Variants in NEGR1 observed in about 807,000 individuals in gnomAD.
NEGR1 encodes the protein neuronal growth regulator 1, also known as IgLON family member 4.
In NEGR1, 10 loss-of-function variants were observed where a neutral mutation model predicts 40.9. The observed-to-expected ratio is 0.24, with a 90% CI of 0.15 to 0.42. The LOEUF (loss-of-function observed/expected upper bound fraction) is 0.42. NEGR1 is among the 10% of genes least tolerant of loss of function. The probability of loss-of-function intolerance (pLI) is 1.00; values close to 1 mark genes in which losing one functional copy is unlikely to be tolerated. For synonymous variants in NEGR1, 185 were observed against 166.8 expected (o/e 1.11, Z -0.84); for missense variants, 352 against 438.9 (o/e 0.80, Z 1.77).
intron 1 of NEGR1, among the ~76,000 whole-genome samples, chr1:72,012,780 G>T (rs1646668645): frequency 6.8e-6 from 1 of 147,072 alleles, no homozygotes; most frequent in Non-Finnish European, 1.5e-5. Context: ...TTGATATTTT[G>T]TTAACATTAG....
rs1053163129 is a variant in NEGR1 at position 72,164,207 on chromosome 1, C to A, written c.176+118112G>T. Among the ~76,000 whole-genome samples the A allele has an allele frequency of 1.8e-4, 27 of 152,066 alleles. No individual in the cohort carries two copies. The East Asian group carries it at 4.8e-3, about 27-fold the overall frequency. On this transcript the variant is annotated intron_variant, in intron 1 of 6. Transcript: ENST00000357731. ...CCTTGTTGTGAACAACTGCTCTGAA[C>A]CTTTAACGACCGTTGAAAAGGCCCT... is the stretch of plus-strand genomic sequence containing the variant.
At chr1:71,802,551 G>A (rs999021987) in intron 2 of NEGR1, among the ~76,000 whole-genome samples, 1 of 152,160 alleles carries the variant, frequency 6.6e-6, no homozygotes, top group Non-Finnish European at 1.5e-5. Context: ...CCACCTCCTA[G>A]ATTTCAGTAG....
chr1:72,238,824 A>C (rs921568065), intron 1 of NEGR1, among the ~76,000 whole-genome samples: 1 of 151,950 alleles, frequency 6.6e-6, no homozygotes, highest in Non-Finnish European at 1.5e-5. Context: ...AATGCAAAGA[A>C]GGCATAGAAG....
chr1:71,576,810 CTT>C (rs1648979510), intron 6 of NEGR1, among the ~76,000 whole-genome samples: 1 of 152,158 alleles, frequency 6.6e-6, no homozygotes, highest in South Asian at 2.1e-4. Context: ...TTCCTTCCCT[CTT>C]TTCTTCTTCC....
chr1:72,262,071 G>C (rs961480564), intron 1 of NEGR1, among the ~76,000 whole-genome samples: 1 of 151,976 alleles, frequency 6.6e-6, no homozygotes, highest in Admixed American at 6.6e-5. Flanking sequence ...AGCATATCAC[G>C]TGGGGGAAAA....
intron 1 of NEGR1, among the ~76,000 whole-genome samples, chr1:72,233,500 G>A (rs1330992235): frequency 6.6e-6 from 1 of 151,952 alleles, no homozygotes; most frequent in Non-Finnish European, 1.5e-5. Flanking sequence ...TTTATGCTAT[G>A]TGTACCCAAC....
chr1:72,013,672 T>C (rs1055650283), intron 1 of NEGR1, among the ~76,000 whole-genome samples: 1 of 152,020 alleles, frequency 6.6e-6, no homozygotes, highest in Non-Finnish European at 1.5e-5. Context: ...ATTAATTGAA[T>C]ATTATGCTCT....
intron 1 of NEGR1, among the ~76,000 whole-genome samples, chr1:71,992,336 A>G (rs1440801723): frequency 1.3e-5 from 2 of 152,206 alleles, no homozygotes; most frequent in African/African-American, 2.4e-5. Flanking sequence ...CAAATATTGC[A>G]GCACTAAAAA....
intron 2 of NEGR1, among the ~76,000 whole-genome samples, chr1:71,842,014 C>A (rs1292066516): frequency 6.6e-6 from 1 of 152,164 alleles, no homozygotes; most frequent in Non-Finnish European, 1.5e-5. Context: ...GCAGTAGAGG[C>A]AGCATTTAAT....
chr1:71,845,734 T>TCTATCTAC (rs1553169265), intron 2 of NEGR1, among the ~76,000 whole-genome samples: 1,037 of 77,674 alleles, frequency 0.013, 13 homozygotes, highest in African/African-American at 0.039. Flanking sequence ...TATCTATCTA[T>TCTATCTAC]CTACCTACCT....
chr1:71,448,250 CAGAG>C (rs1248229556), intron 6 of NEGR1, among the ~76,000 whole-genome samples: 3 of 147,550 alleles, frequency 2.0e-5, no homozygotes, highest in Admixed American at 6.7e-5. Flanking sequence ...AAAAAAGACA[CAGAG>C]AGAGAGAGCA....
chr1:72,179,527 G>A (rs1001739269), intron 1 of NEGR1, among the ~76,000 whole-genome samples: 68 of 152,188 alleles, frequency 4.5e-4, no homozygotes, highest in Middle Eastern at 6.8e-3. Flanking sequence ...CACTGTATGT[G>A]TCCAGTAAGT....
At chr1:72,264,062 G>A (rs750668682) in intron 1 of NEGR1, among the ~76,000 whole-genome samples, 1 of 150,958 alleles carries the variant, frequency 6.6e-6, no homozygotes, top group Non-Finnish European at 1.5e-5. Flanking sequence ...CAATATGGAG[G>A]CTAAAATAAA....
At chr1:71,646,018 TA>T (rs1651518764) in intron 4 of NEGR1, among the ~76,000 whole-genome samples, 1 of 151,764 alleles carries the variant, frequency 6.6e-6, no homozygotes, top group Non-Finnish European at 1.5e-5. Flanking sequence ...GTGGAAATAC[TA>T]GTGACATTTT....
At chr1:72,277,296 G>A (rs997518207) in intron 1 of NEGR1, among the ~76,000 whole-genome samples, 1 of 152,044 alleles carries the variant, frequency 6.6e-6, no homozygotes. Context: ...ATCAGGCCTA[G>A]AACTGACACA....
intron 3 of NEGR1, among the ~76,000 whole-genome samples, chr1:71,762,529 C>T (rs1655981713): frequency 6.6e-6 from 1 of 151,966 alleles, no homozygotes; most frequent in Admixed American, 6.6e-5. Context: ...TAAACAAAAA[C>T]TGAAAGCAAT....
intron 6 of NEGR1, among the ~76,000 whole-genome samples, chr1:71,416,513 T>C (rs1646357105): frequency 6.6e-6 from 1 of 152,198 alleles, no homozygotes; most frequent in Admixed American, 6.5e-5. Context: ...TGAAGGCCAG[T>C]GATTATCTGG....
chr1:71,841,548 C>G (rs948868736), intron 2 of NEGR1, among the ~76,000 whole-genome samples: 1 of 152,074 alleles, frequency 6.6e-6, no homozygotes, highest in Non-Finnish European at 1.5e-5. Flanking sequence ...TTGTCCCCCA[C>G]TGGGGACAAA....
intron 1 of NEGR1, among the ~76,000 whole-genome samples, chr1:72,026,211 G>C (rs1249408736): frequency 6.6e-6 from 1 of 150,616 alleles, no homozygotes; most frequent in African/African-American, 2.4e-5. Flanking sequence ...CTGTGAAGTG[G>C]TTCTCATCTC....
Sources: gnomAD v4.1 joint callset for allele counts (sites outside exome capture counted in the v4.1 genomes callset) on GRCh38, gnomAD v4.1.1 for gene constraint, MANE v1.5 for transcripts, NCBI Gene and HGNC (gene_info 2026-07-23, HGNC 2026-07-21) for gene names.